The following AGBL4 variants were observed in gnomAD, a reference collection of about 807,000 sequenced individuals.
AGBL4 encodes cytosolic carboxypeptidase 6.
AGBL4 carries 58 observed loss-of-function variants against 66.4 expected under a neutral mutation model. The observed-to-expected ratio is 0.87, with a 90% confidence interval of 0.71 to 1.09. AGBL4 has a LOEUF of 1.09. AGBL4 is among the 50% of genes least tolerant of loss of function. AGBL4 has a pLI of 0.00. For synonymous variants in AGBL4, 234 were observed against 222.9 expected (o/e 1.05, Z -0.44); for missense variants, 579 against 631.0 (o/e 0.92, Z 0.88).
intron 3 of AGBL4, among the ~76,000 whole-genome samples, chr1:49,571,323 C>T (rs1249021429): frequency 3.3e-5 from 5 of 151,710 alleles, no homozygotes; most frequent in Non-Finnish European, 7.4e-5. Context: ...AGATGGATTC[C>T]TAGGTATTTT....
At chr1:49,468,600 T>C (rs1570791241) in intron 3 of AGBL4, among the ~76,000 whole-genome samples, 1 of 151,872 alleles carries the variant, frequency 6.6e-6, no homozygotes, top group Non-Finnish European at 1.5e-5. Context: ...CACATTCTCA[T>C]GTCAAATTTT....
chr1:49,144,443 G>C (rs1357895813), intron 4 of AGBL4, among the ~76,000 whole-genome samples: 2 of 148,598 alleles, frequency 1.3e-5, no homozygotes, highest in Admixed American at 1.3e-4. Flanking sequence ...GGAAGGAAAG[G>C]AAATGGAGGG....
chr1:49,021,727 G>A (rs1663267565), intron 5 of AGBL4, among the ~76,000 whole-genome samples: 1 of 152,134 alleles, frequency 6.6e-6, no homozygotes, highest in South Asian at 2.1e-4. Flanking sequence ...GGAGAAAATT[G>A]TTCCTTTTTG....
intron 1 of AGBL4, among the ~76,000 whole-genome samples, chr1:50,006,421 G>A (rs1489534906): frequency 4.0e-5 from 6 of 151,512 alleles, no homozygotes; most frequent in Non-Finnish European, 8.8e-5. Context: ...CCCAAACTCA[G>A]AGAAAGATAT....
chr1:49,589,836 C>G (rs1204356778), intron 3 of AGBL4, among the ~76,000 whole-genome samples: 3 of 151,972 alleles, frequency 2.0e-5, no homozygotes, highest in South Asian at 2.1e-4. Context: ...TACTTGCATT[C>G]ACTTAAACAG....
intron 1 of AGBL4, among the ~76,000 whole-genome samples, chr1:49,999,726 T>C (rs1443048295): frequency 1.3e-5 from 2 of 152,080 alleles, no homozygotes; most frequent in African/African-American, 2.4e-5. Flanking sequence ...AAAATAGGTA[T>C]ACAGACCAGT....
chr1:48,732,839 G>A (rs536919197), intron 6 of AGBL4, among the ~76,000 whole-genome samples: 3 of 152,280 alleles, frequency 2.0e-5, no homozygotes, highest in East Asian at 1.9e-4. Flanking sequence ...TAGGATCAGC[G>A]AGAAGATGGC....
intron 6 of AGBL4, among the ~76,000 whole-genome samples, chr1:48,769,437 C>A (rs1644694161): frequency 6.6e-6 from 1 of 151,664 alleles, no homozygotes; most frequent in Non-Finnish European, 1.5e-5. Flanking sequence ...CAATAAATGC[C>A]CCCAGGATAG....
chr1:48,642,175 C>T (rs1278736400), intron 8 of AGBL4, among the ~76,000 whole-genome samples: 3 of 152,170 alleles, frequency 2.0e-5, no homozygotes, highest in Admixed American at 2.0e-4. Context: ...ATGGAGCAGA[C>T]TTGGATGTGC....
intron 3 of AGBL4, among the ~76,000 whole-genome samples, chr1:49,380,328 C>G (rs1644572974): frequency 6.6e-6 from 1 of 152,040 alleles, no homozygotes; most frequent in South Asian, 2.1e-4. Context: ...CAAACCACTG[C>G]TTAATGAAAT....
At chr1:48,811,182 G>C (rs1473707097) in intron 6 of AGBL4, among the ~76,000 whole-genome samples, 1 of 151,838 alleles carries the variant, frequency 6.6e-6, no homozygotes, top group African/African-American at 2.4e-5. Context: ...GGTAGTGGGT[G>C]GGGGTGGGGG....
chr1:48,962,526 A>G (rs1303501035), intron 5 of AGBL4, among the ~76,000 whole-genome samples: 6 of 152,220 alleles, frequency 3.9e-5, no homozygotes, highest in Non-Finnish European at 1.5e-5. Flanking sequence ...TCATGTAACT[A>G]GAGCAATTAG....
chr1:49,373,336 T>C (rs1439246556), intron 3 of AGBL4, among the ~76,000 whole-genome samples: 1 of 152,182 alleles, frequency 6.6e-6, no homozygotes, highest in Non-Finnish European at 1.5e-5. Context: ...GTAGAACTGA[T>C]ATCTCCATGA....
chr1:50,011,053 T>C (rs965435295), intron 1 of AGBL4, among the ~76,000 whole-genome samples: 1 of 152,030 alleles, frequency 6.6e-6, no homozygotes, highest in African/African-American at 2.4e-5. Flanking sequence ...GGAGAAAATA[T>C]TTACAAACTA....
At chr1:49,562,358 G>C (rs912641088) in intron 3 of AGBL4, among the ~76,000 whole-genome samples, 2 of 152,058 alleles carry the variant, frequency 1.3e-5, no homozygotes, top group African/African-American at 4.8e-5. Flanking sequence ...ATTGCTTTTG[G>C]TGTTTTATAC....
chr1:49,895,706 T>G (rs1227670670), intron 1 of AGBL4, among the ~76,000 whole-genome samples: 1 of 151,566 alleles, frequency 6.6e-6, no homozygotes, highest in Non-Finnish European at 1.5e-5. Flanking sequence ...CAACCTCAAA[T>G]CTAAAAACAC....
At chr1:49,923,747 A>C (rs2148246320) in intron 1 of AGBL4, among the ~76,000 whole-genome samples, 1 of 152,340 alleles carries the variant, frequency 6.6e-6, no homozygotes, top group African/African-American at 2.4e-5. Context: ...AAAAATGCAA[A>C]TCAAAACCAC....
intron 1 of AGBL4, among the ~76,000 whole-genome samples, chr1:49,878,934 T>G (rs1571782462): frequency 1.9e-5 from 2 of 103,484 alleles, no homozygotes; most frequent in East Asian, 5.3e-4. Flanking sequence ...TTGTCTCTTT[T>G]GATCTTTGTT....
intron 3 of AGBL4, among the ~76,000 whole-genome samples, chr1:49,281,055 T>C (rs1201614240): frequency 4.6e-5 from 7 of 152,230 alleles, no homozygotes; most frequent in Admixed American, 1.3e-4. Context: ...CACTTTTACA[T>C]TGCACATTAT....
Sources: gnomAD v4.1 joint callset for allele counts (sites outside exome capture counted in the v4.1 genomes callset) on GRCh38, gnomAD v4.1.1 for gene constraint, MANE v1.5 for transcripts, NCBI Gene and HGNC (gene_info 2026-07-23, HGNC 2026-07-21) for gene names.